CAV1: variants seen among roughly 807,000 people sequenced by gnomAD.
CAV1 encodes caveolin 1, also known as caveolin-1.
In CAV1, 10 loss-of-function variants were observed where a neutral mutation model predicts 16.5. The observed-to-expected ratio is 0.61, with a 90% CI of 0.37 to 1.03. The LOEUF is 1.03. Among genes scored for constraint, CAV1 ranks in the 50% least tolerant of loss-of-function variants. The pLI is 0.01. For missense variants in CAV1, 212 were observed against 232.8 expected, an observed-to-expected ratio of 0.91 and a Z score of 0.58; for synonymous variants, 76 against 85.1, an observed-to-expected ratio of 0.89 and a Z score of 0.59.
intron 2 of CAV1, chr7:116,526,931 G>A (rs1793577437): frequency 7.1e-6 from 4 of 565,900 alleles, no homozygotes; most frequent in Non-Finnish European, 9.6e-6. Flanking sequence ...CAGCTAAAGT[G>A]AGTTTTGTAG....
intron 2 of CAV1, among the ~76,000 whole-genome samples, chr7:116,555,516 GAAAGAGAGAGAGAGAGAGAGAGAGAGA>G (rs1562838151): frequency 1.1e-4 from 1 of 8,894 alleles, no homozygotes; most frequent in Non-Finnish European, 2.1e-4. Context: ...AAGAAAGAAA[GAAAGAGAGAGAGAGAGAGAGAGAGAGA>G]GAAAGAAAGA....
intron 2 of CAV1, among the ~76,000 whole-genome samples, chr7:116,536,186 G>A (rs932802431): frequency 8.5e-5 from 13 of 152,202 alleles, no homozygotes; most frequent in African/African-American, 2.9e-4. Context: ...AAGAAGCAAA[G>A]GAAAAAAGTA....
At position 116,557,300 on chromosome 7, in the gene CAV1, A is replaced by G. The variant is rs375856144; in HGVS notation, c.196-1646A>G. 5.6e-4 allele frequency among the ~76,000 whole-genome samples: 85 copies of G among 152,342 alleles called. 1 individual carries two copies. The highest frequency in any genetic ancestry group is 1.8e-3 in the African/African-American group (76 of 41,588). On this transcript the variant is annotated intron_variant, in intron 2 of 2. Transcript: ENST00000341049. ...GTAAGCATCATGTGCTTTTTCCAGA[A>G]GACATTTTATTTTGTTGAATCAAAG...
Position 116,525,057 on chromosome 7 carries a change from G to T in CAV1, c.-6G>T. On this transcript the variant is annotated 5_prime_UTR_variant, in exon 1 of 3. Coordinates refer to ENST00000341049, the MANE Select transcript of CAV1 (RefSeq NM_001753.5). The stretch of plus-strand genomic sequence containing the variant: ...CCTCACAGTTTTCATCCAGCCACGG[G>T]CCAGCATGTCTGGGGGCAAATACGT... 1 of 1,614,198 alleles carries T rather than the reference G, an allele frequency of 6.2e-7. No individual in the cohort carries two copies. The highest frequency in any genetic ancestry group is 2.2e-5 in the East Asian group (1 of 44,866).
In CAV1 at chr7:116,560,838, T is replaced by A. The variant is rs1367386224; in HGVS notation, c.*1551T>A. On this transcript the variant is annotated 3_prime_UTR_variant, in exon 3 of 3. Transcript: ENST00000341049. ...TTAATTACCAACCTGTTACCTACTT[T>A]GACTTTTTGCATTTAAAACAGACAC... 1 of 152,640 alleles carries A rather than the reference T, an allele frequency of 6.6e-6. No homozygotes were observed. The highest frequency in any genetic ancestry group is 2.4e-5 in the African/African-American group (1 of 41,458). The allele number at this position is 152,640 out of a possible 1,614,324, so 9.5% of individuals were successfully genotyped here.
chr7:116,559,274 A>G lies in CAV1; in HGVS notation c.524A>G (p.Gln175Arg), dbSNP rs1562840679. 3 of 1,611,602 alleles carry G rather than the reference A, an allele frequency of 1.9e-6. No individual in the cohort carries two copies. The highest frequency in any genetic ancestry group is 2.5e-6 in the Non-Finnish European group (3 of 1,177,776). Residue 175 changes from glutamine to arginine, a missense_variant, in exon 3 of 3, where the codon CAG becomes CGG. By Grantham distance (43) the Gln-to-Arg change is conservative. Transcript: ENST00000341049. ...KIFSNVRINL[Q>R]KEI ...TTCAGCAATGTCCGCATCAACTTGCAGAAAGAAATATAAATGACATTTCAA... is the reference window on the plus strand; with the variant it reads ...TTCAGCAATGTCCGCATCAACTTGCGGAAAGAAATATAAATGACATTTCAA...
chr7:116,548,147 T>C (rs1356256271), intron 2 of CAV1, among the ~76,000 whole-genome samples: 2 of 152,190 alleles, frequency 1.3e-5, no homozygotes, highest in African/African-American at 4.8e-5. Flanking sequence ...GGGGATGAGG[T>C]GCAAATGCCT....
chr7:116,540,597 T>C (rs746661647), intron 2 of CAV1, among the ~76,000 whole-genome samples: 1 of 152,156 alleles, frequency 6.6e-6, no homozygotes, highest in Non-Finnish European at 1.5e-5. Flanking sequence ...TAATATTTTA[T>C]CAGAAACTTG....
At position 116,560,099 on chromosome 7, in the gene CAV1, C is replaced by A. The variant is rs1794376907; in HGVS notation, c.*812C>A. On this transcript the variant is annotated 3_prime_UTR_variant, in exon 3 of 3. Transcript: ENST00000341049. ...GAGCTACAGAGTCTGGTGAAGCTCA[C>A]TTCTGGGCTTCATCTGGCAACATCT... The A allele has an allele frequency of 2.9e-6, 1 of 347,030 alleles. No individual in the cohort carries two copies. Among genetic ancestry groups the A allele is most frequent in the Non-Finnish European group, 5.2e-6 (1 of 193,440 alleles). The allele number at this position is 347,030 out of a possible 1,614,324, so 21.5% of individuals were successfully genotyped here.
At chr7:116,527,642 G>A (rs1793594951) in intron 2 of CAV1, among the ~76,000 whole-genome samples, 1 of 152,096 alleles carries the variant, frequency 6.6e-6, no homozygotes, top group Non-Finnish European at 1.5e-5. Flanking sequence ...GCCATCCTTG[G>A]CAAAGGGTTT....
rs1390303160 is a variant in CAV1, at chr7:116,555,634, GGAGA to G, written c.196-3310_196-3307del. On this transcript the variant is annotated intron_variant, in intron 2 of 2. Coordinates refer to ENST00000341049, the MANE Select transcript of CAV1 (RefSeq NM_001753.5). ...AGAAAGAAAGAAGGGAGGGAGGGAG[GGAGA>G]GGAGAGAAAGAAAAAGGAAGGAAGG... Among the ~76,000 whole-genome samples, 21 of 141,774 alleles carry G rather than the reference GGAGA, an allele frequency of 1.5e-4. 1 individual carries two copies. The highest frequency in any genetic ancestry group is 1.2e-3 in the South Asian group (5 of 4,038). 93.0% of individuals were successfully genotyped at this position (141,774 alleles called of 152,430 possible).
chr7:116,546,697 C>CAAAAAAAAAAAAAAAAAAAAAAAAAAAA lies in CAV1; in HGVS notation c.196-12232_196-12231insAAAAAAAAAAAAAAAAAAAAAAAAAAAA, dbSNP rs5886830. Among the ~76,000 whole-genome samples the CAAAAAAAAAAAAAAAAAAAAAAAAAAAA allele has an allele frequency of 3.7e-4, 33 of 88,392 alleles. 1 individual carries two copies. The highest frequency in any genetic ancestry group is 4.7e-4 in the Non-Finnish European group (20 of 42,788). The allele number at this position is 88,392 out of a possible 152,430, so 58.0% of individuals were successfully genotyped here. ...GGGCAACAAGAATGAGACTCTGTCA[C>CAAAAAAAAAAAAAAAAAAAAAAAAAAAA]AAAAAAAAAAAAAAAAAGTCTGCAG... is the stretch of plus-strand genomic sequence containing the variant. On this transcript the variant is annotated intron_variant, in intron 2 of 2. Transcript: ENST00000341049.
intron 2 of CAV1, among the ~76,000 whole-genome samples, chr7:116,555,545 A>AG (rs1562838382): frequency 9.0e-5 from 4 of 44,636 alleles, no homozygotes; most frequent in African/African-American, 3.2e-4. Flanking sequence ...AGAGAGAGAG[A>AG]AAGAAAGAAA....
chr7:116,532,492 A>T (rs1164081944), intron 2 of CAV1, among the ~76,000 whole-genome samples: 1 of 152,198 alleles, frequency 6.6e-6, no homozygotes, highest in Non-Finnish European at 1.5e-5. Context: ...TGCTGTCTTT[A>T]TACAAAGATG....
chr7:116,539,178 G>A (rs1212790470), intron 2 of CAV1, among the ~76,000 whole-genome samples: 2 of 152,092 alleles, frequency 1.3e-5, no homozygotes, highest in South Asian at 2.1e-4. Context: ...GACCTCCTCA[G>A]AATCAGCATC....
At chr7:116,533,650 A>G (rs555587139) in intron 2 of CAV1, among the ~76,000 whole-genome samples, 4 of 152,236 alleles carry the variant, frequency 2.6e-5, no homozygotes, top group African/African-American at 7.2e-5. Context: ...TGCTGCCTAC[A>G]TAGAGTTTGT....
chr7:116,546,361 T>A (rs1794046059), intron 2 of CAV1, among the ~76,000 whole-genome samples: 1 of 151,970 alleles, frequency 6.6e-6, no homozygotes, highest in Non-Finnish European at 1.5e-5. Flanking sequence ...TGGTCTGCAG[T>A]GCGGTTTTAG....
At chr7:116,552,651 T>C (rs1021418448) in intron 2 of CAV1, among the ~76,000 whole-genome samples, 7 of 152,150 alleles carry the variant, frequency 4.6e-5, no homozygotes, top group African/African-American at 1.4e-4. Context: ...AATCACAACA[T>C]AGGCAACACC....
intron 2 of CAV1, among the ~76,000 whole-genome samples, chr7:116,547,861 C>T (rs764704406): frequency 6.6e-5 from 10 of 152,108 alleles, no homozygotes; most frequent in Non-Finnish European, 1.3e-4. Context: ...ACTATCATAC[C>T]GCATCTTACA....
Sources: gnomAD v4.1 joint callset for allele counts (sites outside exome capture counted in the v4.1 genomes callset) on GRCh38, gnomAD v4.1.1 for gene constraint, MANE v1.5 for transcripts, NCBI Gene and HGNC (gene_info 2026-07-23, HGNC 2026-07-21) for gene names.